The following MIPOL1 variants were observed in gnomAD, a reference collection of about 807,000 sequenced individuals.
MIPOL1 encodes the protein mirror-image polydactyly 1.
Under a neutral mutation model 60.9 loss-of-function variants are expected in MIPOL1, and 57 were observed. The ratio of observed to expected loss-of-function variants is 0.94; its 90% confidence interval spans 0.76 to 1.17. The LOEUF is 1.17. Among genes scored for constraint, MIPOL1 ranks in the 50% most tolerant of loss-of-function variants. The pLI is 0.00. For missense variants in MIPOL1, 551 were observed against 511.6 expected, an observed-to-expected ratio of 1.08 and a Z score of -0.74; for synonymous variants, 179 against 168.8, an observed-to-expected ratio of 1.06 and a Z score of -0.47.
intron 9 of MIPOL1, among the ~76,000 whole-genome samples, chr14:37,322,099 A>C (rs1011997528): frequency 6.6e-6 from 1 of 152,038 alleles, no homozygotes; most frequent in Non-Finnish European, 1.5e-5. Context: ...TGATGCATTC[A>C]TGTAAATGCA....
At chr14:37,392,797 A>T (rs548052733) in intron 10 of MIPOL1, among the ~76,000 whole-genome samples, 10 of 152,192 alleles carry the variant, frequency 6.6e-5, no homozygotes, top group Admixed American at 1.3e-4. Flanking sequence ...TGAACTTATG[A>T]AATCAAAAAT....
At chr14:37,336,592 T>A (rs2090140980) in intron 9 of MIPOL1, among the ~76,000 whole-genome samples, 1 of 151,916 alleles carries the variant, frequency 6.6e-6, no homozygotes, top group African/African-American at 2.4e-5. Context: ...GTCTACTTTA[T>A]CTGTTAGAGC....
intron 6 of MIPOL1, among the ~76,000 whole-genome samples, chr14:37,271,199 C>T (rs572932890): frequency 6.6e-6 from 1 of 152,086 alleles, no homozygotes; most frequent in South Asian, 2.1e-4. Flanking sequence ...CTATGATCTC[C>T]ATCTGTGTAT....
chr14:37,377,932 A>C (rs1370387398), intron 10 of MIPOL1, among the ~76,000 whole-genome samples: 1 of 151,894 alleles, frequency 6.6e-6, no homozygotes, highest in Non-Finnish European at 1.5e-5. Flanking sequence ...TACTATTTTT[A>C]AAACTTTTTA....
At chr14:37,343,630 A>C (rs182130675) in intron 9 of MIPOL1, among the ~76,000 whole-genome samples, 73 of 152,314 alleles carry the variant, frequency 4.8e-4, no homozygotes, top group Non-Finnish European at 5.9e-5. Context: ...GCAGCTATTA[A>C]AAACTTAGAC....
chr14:37,551,966 A>G (rs1358921940), downstream of MIPOL1: 2 of 151,574 alleles, frequency 1.3e-5, no homozygotes, highest in East Asian at 3.9e-4. Context: ...ATTTTGGAAT[A>G]TGTACGTGGA....
At chr14:37,489,134 A>G (rs2095002666) in intron 11 of MIPOL1, among the ~76,000 whole-genome samples, 1 of 152,076 alleles carries the variant, frequency 6.6e-6, no homozygotes, top group South Asian at 2.1e-4. Context: ...AGTCCCATTT[A>G]TCTTGGAGGC....
chr14:37,419,969 G>C (rs2093842416), intron 10 of MIPOL1, among the ~76,000 whole-genome samples: 1 of 151,904 alleles, frequency 6.6e-6, no homozygotes. Context: ...TCAACCTCCT[G>C]GGCTGAAGTA....
At chr14:37,388,386 A>T (rs1305592536) in intron 10 of MIPOL1, among the ~76,000 whole-genome samples, 4 of 151,794 alleles carry the variant, frequency 2.6e-5, no homozygotes, top group Non-Finnish European at 4.4e-5. Flanking sequence ...AGAAAACCAC[A>T]CCCCAAATTG....
chr14:37,483,439 G>GA (rs1331754385), intron 11 of MIPOL1, among the ~76,000 whole-genome samples: 1 of 151,680 alleles, frequency 6.6e-6, no homozygotes, highest in East Asian at 1.9e-4. Flanking sequence ...TTTCCTTAAA[G>GA]AAAAAAATAT....
Position 37,499,955 on chromosome 14 carries a change from A to G in MIPOL1, c.1079A>G (p.Asn360Ser), listed in dbSNP as rs767091643. The G allele has an allele frequency of 6.2e-7, 1 of 1,611,068 alleles. No homozygotes were observed. The highest frequency in any genetic ancestry group is 8.5e-7 in the Non-Finnish European group (1 of 1,177,732). ...SQEENLKDQF[N>S]YTLSTYEEAL... ...GAAGAAAATCTGAAGGATCAGTTTAACTATACCCTTAGTACATATGAAGAA... is the reference window on the plus strand; with the variant it reads ...GAAGAAAATCTGAAGGATCAGTTTAGCTATACCCTTAGTACATATGAAGAA... Residue 360 changes from asparagine to serine, a missense_variant, in exon 12 of 13, where the codon AAC (asparagine) becomes AGC (serine). Transcript: ENST00000684589.
intron 11 of MIPOL1, among the ~76,000 whole-genome samples, chr14:37,497,126 C>T (rs2095143598): frequency 1.3e-5 from 2 of 152,144 alleles, no homozygotes; most frequent in East Asian, 1.9e-4. Flanking sequence ...TTCCTTACAC[C>T]TTATACAAAA....
At chr14:37,258,455 G>T (rs1301810643) in intron 3 of MIPOL1, among the ~76,000 whole-genome samples, 1 of 152,006 alleles carries the variant, frequency 6.6e-6, no homozygotes, top group African/African-American at 2.4e-5. Flanking sequence ...AGGCTGAAAA[G>T]GTTACAAATA....
intron 1 of MIPOL1, among the ~76,000 whole-genome samples, chr14:37,199,199 T>C (rs752121368): frequency 6.6e-6 from 1 of 151,982 alleles, no homozygotes; most frequent in Non-Finnish European, 1.5e-5. Context: ...AAAGTGTAAA[T>C]ACCCATGTAT....
In MIPOL1 at chr14:37,549,180, T is replaced by C. The variant is rs1281322652; in HGVS notation, c.*2209T>C. 6.6e-6 allele frequency: 1 copy of C among 151,926 alleles called. No individual in the cohort carries two copies. Among genetic ancestry groups the C allele is most frequent in the Non-Finnish European group, 1.5e-5 (1 of 67,824 alleles). The allele number at this position is 151,926 out of a possible 1,614,324, so 9.4% of individuals were successfully genotyped here. Reference sequence around the variant, plus strand: ...AACAATAATGCAACTTTAGAAGTATTCCACACTGCTGAGAAATGTTGCTTT... The same window carrying C: ...AACAATAATGCAACTTTAGAAGTATCCCACACTGCTGAGAAATGTTGCTTT... On this transcript the variant is annotated 3_prime_UTR_variant, in exon 13 of 13. Transcript: ENST00000684589.
rs374658728 is a variant in MIPOL1 at position 37,451,863 on chromosome 14, GA to G, written c.1031+28916del. On this transcript the variant is annotated intron_variant, in intron 11 of 12. Transcript: ENST00000684589. ...GGAGTCTCGCTCTGTGGCCCAGGTG[GA>G]AGTGCAGTGGCGCAATCTCGGCTCA... 9.1e-4 allele frequency among the ~76,000 whole-genome samples: 120 copies of G among 131,962 alleles called. No homozygotes were observed. The Middle Eastern group carries it at 0.018, about 19-fold the overall frequency. 86.6% of individuals were successfully genotyped at this position (131,962 alleles called of 152,430 possible). A position where few individuals can be genotyped will look rare whatever the true frequency, so the allele number is the denominator to read the frequency against.
At chr14:37,320,895 A>G (rs758010754) in intron 9 of MIPOL1, among the ~76,000 whole-genome samples, 6 of 152,024 alleles carry the variant, frequency 3.9e-5, no homozygotes, top group Non-Finnish European at 8.8e-5. Flanking sequence ...GAGCCCATGT[A>G]ATGACTTAGG....
intron 9 of MIPOL1, among the ~76,000 whole-genome samples, chr14:37,334,085 T>C (rs2089936196): frequency 6.6e-6 from 1 of 152,036 alleles, no homozygotes; most frequent in African/African-American, 2.4e-5. Flanking sequence ...CAAGGATCAA[T>C]GTAAAGTAGA....
intron 11 of MIPOL1, among the ~76,000 whole-genome samples, chr14:37,488,598 T>G (rs1267947926): frequency 6.6e-6 from 1 of 151,688 alleles, no homozygotes; most frequent in Admixed American, 6.6e-5. Context: ...CCTGTACAAG[T>G]GCTTCGTACA....
Sources: gnomAD v4.1 joint callset for allele counts (sites outside exome capture counted in the v4.1 genomes callset) on GRCh38, gnomAD v4.1.1 for gene constraint, MANE v1.5 for transcripts, NCBI Gene and HGNC (gene_info 2026-07-23, HGNC 2026-07-21) for gene names.